The following FTO variants were observed in gnomAD, a reference collection of about 807,000 sequenced individuals.
FTO encodes the protein alpha-ketoglutarate-dependent dioxygenase FTO.
A neutral mutation model predicts 63.9 loss-of-function variants in FTO; 47 were observed. The observed-to-expected ratio is 0.74, with a 90% confidence interval of 0.58 to 0.94. The LOEUF is 0.94. Among genes scored for constraint, FTO ranks in the 40% least tolerant of loss-of-function variants. The pLI is 0.00. For synonymous variants in FTO, 207 were observed against 224.4 expected, an observed-to-expected ratio of 0.92 and a Z score of 0.69; for missense variants, 562 against 618.1, an observed-to-expected ratio of 0.91 and a Z score of 0.96.
chr16:53,722,671 AC>A (rs1672938444), intron 1 of FTO, among the ~76,000 whole-genome samples: 1 of 152,054 alleles, frequency 6.6e-6, no homozygotes, highest in Non-Finnish European at 1.5e-5. Flanking sequence ...TACTAAAGAT[AC>A]AAAAAATTAG....
chr16:53,925,522 A>G (rs2082118412), intron 7 of FTO, among the ~76,000 whole-genome samples: 2 of 152,076 alleles, frequency 1.3e-5, no homozygotes, highest in African/African-American at 2.4e-5. Flanking sequence ...GTAGAATGCC[A>G]TCCTGTTTCC....
At chr16:53,786,677 GT>G (rs1404764384) in intron 1 of FTO, among the ~76,000 whole-genome samples, 7 of 152,286 alleles carry the variant, frequency 4.6e-5, no homozygotes, top group South Asian at 2.1e-4. Flanking sequence ...CAGAAATGGA[GT>G]GGGAGAGCAT....
At chr16:53,911,161 T>G in intron 7 of FTO, 1 of 544,468 alleles carries the variant, frequency 1.8e-6, no homozygotes, top group Non-Finnish European at 3.3e-6. Context: ...CAGTGTTCTC[T>G]CATATGTTAA....
intron 8 of FTO, among the ~76,000 whole-genome samples, chr16:54,008,922 G>T (rs1799674408): frequency 6.6e-6 from 1 of 151,836 alleles, no homozygotes; most frequent in African/African-American, 2.4e-5. Context: ...TGAGGTAGGA[G>T]GTTTGTTTGG....
chr16:53,912,995 TATA>T (rs2081752063), intron 7 of FTO, among the ~76,000 whole-genome samples: 1 of 152,230 alleles, frequency 6.6e-6, no homozygotes, highest in Admixed American at 6.5e-5. Flanking sequence ...CTGTGTGACT[TATA>T]ATTATCTGAG....
chr16:53,786,368 CA>C (rs1401009183), intron 1 of FTO, among the ~76,000 whole-genome samples: 2 of 152,130 alleles, frequency 1.3e-5, no homozygotes, highest in Non-Finnish European at 2.9e-5. Context: ...CAGTTCCAGT[CA>C]TTTTTGACAG....
chr16:53,807,234 C>G (rs1302924081), intron 1 of FTO, among the ~76,000 whole-genome samples: 2 of 152,252 alleles, frequency 1.3e-5, no homozygotes, highest in African/African-American at 2.4e-5. Flanking sequence ...TTTCTGGTCC[C>G]CATTCTCTGC....
intron 1 of FTO, among the ~76,000 whole-genome samples, chr16:53,732,532 A>G (rs906797912): frequency 1.3e-5 from 2 of 152,228 alleles, no homozygotes; most frequent in African/African-American, 4.8e-5. Context: ...ACTGTGAAGT[A>G]TCTTTTAGGC....
chr16:54,077,654 C>CA (rs1220590949), intron 8 of FTO, among the ~76,000 whole-genome samples: 4 of 152,178 alleles, frequency 2.6e-5, no homozygotes, highest in Non-Finnish European at 4.4e-5. Flanking sequence ...TGAGTCCCCT[C>CA]AGTCAGGCAG....
chr16:53,726,915 G>A (rs2076167363), intron 1 of FTO, among the ~76,000 whole-genome samples: 1 of 152,148 alleles, frequency 6.6e-6, no homozygotes, highest in African/African-American at 2.4e-5. Context: ...CCTGCCATTG[G>A]TTTCCATCAA....
chr16:54,057,489 G>A (rs1385813518), intron 8 of FTO, among the ~76,000 whole-genome samples: 3 of 152,002 alleles, frequency 2.0e-5, no homozygotes, highest in Non-Finnish European at 4.4e-5. Context: ...GTTTTGACAC[G>A]GTCTCATTCT....
chr16:53,824,611 G>GAA (rs369107816), intron 2 of FTO, among the ~76,000 whole-genome samples: 1 of 146,442 alleles, frequency 6.8e-6, no homozygotes, highest in African/African-American at 2.5e-5. Context: ...GATGCTGCAT[G>GAA]AAAAAAAAAA....
At chr16:54,076,218 C>T (rs1177947875) in intron 8 of FTO, among the ~76,000 whole-genome samples, 1 of 152,106 alleles carries the variant, frequency 6.6e-6, no homozygotes, top group Non-Finnish European at 1.5e-5. Flanking sequence ...CTTAATCTTT[C>T]GATCTTTACC....
intron 1 of FTO, among the ~76,000 whole-genome samples, chr16:53,761,059 T>C (rs966074319): frequency 6.6e-6 from 1 of 151,510 alleles, no homozygotes; most frequent in African/African-American, 2.4e-5. Flanking sequence ...CTCCCTCCCT[T>C]CCTTTCTTCC....
At chr16:53,982,646 C>T (rs1159252318) in intron 8 of FTO, among the ~76,000 whole-genome samples, 2 of 152,142 alleles carry the variant, frequency 1.3e-5, no homozygotes, top group Non-Finnish European at 2.9e-5. Flanking sequence ...AAGCTGTGCC[C>T]AAGAAACTTA....
At chr16:53,963,171 C>T (rs373919251) in intron 8 of FTO, among the ~76,000 whole-genome samples, 65 of 152,258 alleles carry the variant, frequency 4.3e-4, no homozygotes, top group African/African-American at 1.4e-3. Flanking sequence ...CCTAATGATA[C>T]CATAATAACA....
chr16:53,729,494 C>G (rs1390252188), intron 1 of FTO, among the ~76,000 whole-genome samples: 1 of 135,328 alleles, frequency 7.4e-6, no homozygotes, highest in Non-Finnish European at 1.6e-5. Context: ...CAGACTGAGA[C>G]TCCGTATCGG....
At chr16:53,903,700 C>A (rs1178701364) in intron 7 of FTO, among the ~76,000 whole-genome samples, 1 of 152,106 alleles carries the variant, frequency 6.6e-6, no homozygotes, top group African/African-American at 2.4e-5. Flanking sequence ...CTTATGTAAC[C>A]AGACTTCTAC....
Position 53,875,972 on chromosome 16 carries a change from A to G in FTO, c.975+2107A>G, listed in dbSNP as rs927081670. Among the ~76,000 whole-genome samples the G allele has an allele frequency of 2.0e-5, 3 of 152,356 alleles. No homozygotes were observed. In the South Asian group the frequency reaches 6.2e-4, roughly 32 times the overall value. On this transcript the variant is annotated intron_variant, in intron 5 of 8. Transcript: ENST00000471389. ...CCAAAGTGCTGGGATTACAGGCGTG[A>G]GCCAATGCTCCCGGCCTAGATTTTA...
Sources: allele counts gnomAD v4.1 joint callset (sites outside exome capture counted in the v4.1 genomes callset), GRCh38; gene constraint gnomAD v4.1.1; transcripts MANE v1.5; gene names NCBI Gene and HGNC (gene_info 2026-07-23, HGNC 2026-07-21).